The following FOXP2 variants were observed in gnomAD, a reference collection of about 807,000 sequenced individuals.
The protein encoded by FOXP2 is forkhead box protein P2.
Under a neutral mutation model 115.8 loss-of-function variants are expected in FOXP2, and 12 were observed. That is an observed-to-expected ratio of 0.10 (90% confidence interval 0.07 to 0.17). The LOEUF (loss-of-function observed/expected upper bound fraction) is 0.17. FOXP2 is among the 10% of genes least tolerant of loss of function. The pLI is 1.00. For synonymous variants in FOXP2, 328 were observed against 297.7 expected, an observed-to-expected ratio of 1.10 and a Z score of -1.05; for missense variants, 629 against 843.5, an observed-to-expected ratio of 0.75 and a Z score of 3.15.
At chr7:114,270,493 G>C (rs1796008928) in intron 1 of FOXP2, among the ~76,000 whole-genome samples, 1 of 152,148 alleles carries the variant, frequency 6.6e-6, no homozygotes, top group Non-Finnish European at 1.5e-5. Context: ...GATGTTGCCA[G>C]TGTATTGGAT....
At chr7:114,122,398 TCTTTTTTTTTTTTTC>T (rs1363098262) in intron 1 of FOXP2, among the ~76,000 whole-genome samples, 1 of 151,136 alleles carries the variant, frequency 6.6e-6, no homozygotes, top group African/African-American at 2.4e-5. Context: ...CTCCCTGTTT[TCTTTTTTTTTTTTTC>T]CTTTTTTTTT....
intron 1 of FOXP2, among the ~76,000 whole-genome samples, chr7:114,093,881 C>T (rs1489875251): frequency 2.0e-5 from 3 of 151,988 alleles, no homozygotes; most frequent in Non-Finnish European, 2.9e-5. Flanking sequence ...GTTCAGTGCT[C>T]TAATATAATA....
At chr7:114,401,489 T>A (rs1285554956) in intron 2 of FOXP2, among the ~76,000 whole-genome samples, 2 of 152,318 alleles carry the variant, frequency 1.3e-5, no homozygotes, top group Non-Finnish European at 2.9e-5. Flanking sequence ...GCCAGGTACT[T>A]TTCATATATT....
chr7:114,191,648 A>C (rs1478081936), intron 1 of FOXP2, among the ~76,000 whole-genome samples: 2 of 152,132 alleles, frequency 1.3e-5, no homozygotes. Context: ...TTTACAGAAA[A>C]AGTGATTTGT....
At chr7:114,629,281 C>T (rs1335988143) in intron 4 of FOXP2, among the ~76,000 whole-genome samples, 1 of 152,086 alleles carries the variant, frequency 6.6e-6, no homozygotes, top group South Asian at 2.1e-4. Context: ...TTATATTATA[C>T]ACTTACTTAT....
At chr7:114,328,138 T>G (rs1232298218) in intron 2 of FOXP2, among the ~76,000 whole-genome samples, 3 of 151,120 alleles carry the variant, frequency 2.0e-5, no homozygotes, top group South Asian at 4.2e-4. Flanking sequence ...CAGGCTAGAC[T>G]CAACTCTTGG....
At chr7:114,271,577 T>C (rs1302947333) in intron 1 of FOXP2, among the ~76,000 whole-genome samples, 8 of 126,556 alleles carry the variant, frequency 6.3e-5, no homozygotes, top group Admixed American at 3.9e-4. Flanking sequence ...ATATAATTTA[T>C]ATATTAATAT....
chr7:114,337,427 A>G (rs900109517), intron 2 of FOXP2, among the ~76,000 whole-genome samples: 1 of 151,280 alleles, frequency 6.6e-6, no homozygotes, highest in Admixed American at 6.6e-5. Context: ...AACTATTTTT[A>G]CATATTCTAA....
chr7:114,601,717 A>C (rs541354466), intron 3 of FOXP2, among the ~76,000 whole-genome samples: 1 of 152,090 alleles, frequency 6.6e-6, no homozygotes, highest in African/African-American at 2.4e-5. Context: ...TTTAATTTCA[A>C]TTATGACTTT....
intron 1 of FOXP2, among the ~76,000 whole-genome samples, chr7:114,228,655 T>C (rs927804918): frequency 6.6e-6 from 1 of 151,900 alleles, no homozygotes; most frequent in Admixed American, 6.6e-5. Context: ...ATAGTTTTGC[T>C]ATACAATTGA....
At chr7:114,310,575 A>G (rs1309808921) in intron 2 of FOXP2, among the ~76,000 whole-genome samples, 1 of 151,794 alleles carries the variant, frequency 6.6e-6, no homozygotes, top group African/African-American at 2.4e-5. Flanking sequence ...TTTACTGGAA[A>G]TGGTCTTTCT....
At chr7:114,311,900 G>T (rs1266180832) in intron 2 of FOXP2, among the ~76,000 whole-genome samples, 4 of 151,910 alleles carry the variant, frequency 2.6e-5, no homozygotes, top group Non-Finnish European at 4.4e-5. Context: ...TTTTGTTTTT[G>T]CCCCTCTACA....
chr7:114,498,219 A>G (rs1797408819), intron 2 of FOXP2, among the ~76,000 whole-genome samples: 1 of 152,222 alleles, frequency 6.6e-6, no homozygotes, highest in Non-Finnish European at 1.5e-5. Flanking sequence ...TTATAAATTT[A>G]AAAATAACCA....
At chr7:114,463,834 A>G (rs1187355623) in intron 2 of FOXP2, among the ~76,000 whole-genome samples, 2 of 152,202 alleles carry the variant, frequency 1.3e-5, no homozygotes, top group Non-Finnish European at 2.9e-5. Flanking sequence ...TTATTTCAAT[A>G]CAAGTGTCCT....
chr7:114,492,140 G>A (rs1000185631), intron 2 of FOXP2, among the ~76,000 whole-genome samples: 4 of 152,134 alleles, frequency 2.6e-5, no homozygotes, highest in Admixed American at 6.5e-5. Flanking sequence ...TTAGTCTTGG[G>A]AGGGTGTATG....
At chr7:114,628,418 G>T in intron 3 of FOXP2, 122 bp from the exon 4 acceptor site, 1 of 1,329,584 alleles carries the variant, frequency 7.5e-7, no homozygotes, top group Non-Finnish European at 1.1e-6. Context: ...AAAATGTGAC[G>T]TAAAAATTAT....
At chr7:114,579,154 A>G (rs532978717) in intron 3 of FOXP2, among the ~76,000 whole-genome samples, 14 of 152,294 alleles carry the variant, frequency 9.2e-5, no homozygotes, top group African/African-American at 3.4e-4. Context: ...ACAATTAAAA[A>G]TAAGTGGTTA....
chr7:114,388,061 G>A (rs1301900134), intron 2 of FOXP2, among the ~76,000 whole-genome samples: 2 of 152,094 alleles, frequency 1.3e-5, no homozygotes, highest in Non-Finnish European at 2.9e-5. Context: ...CAAGATTAAT[G>A]TCATTGATAT....
chr7:114,381,497 G>A (rs754301834), intron 2 of FOXP2, among the ~76,000 whole-genome samples: 7 of 152,318 alleles, frequency 4.6e-5, no homozygotes, highest in Non-Finnish European at 5.9e-5. Context: ...GGGTAAAACA[G>A]TCCAGGTGAG....
Sources: allele counts gnomAD v4.1 joint callset (sites outside exome capture counted in the v4.1 genomes callset), GRCh38; gene constraint gnomAD v4.1.1; transcripts MANE v1.5; gene names NCBI Gene and HGNC (gene_info 2026-07-23, HGNC 2026-07-21).